Variants in PPEF2 observed in about 807,000 individuals in gnomAD.
PPEF2 encodes serine/threonine-protein phosphatase with EF-hands 2.
Under a neutral mutation model 84.7 loss-of-function variants are expected in PPEF2, and 84 were observed. That is an observed-to-expected ratio of 0.99 (90% CI 0.83 to 1.19). The LOEUF (loss-of-function observed/expected upper bound fraction) is 1.19, where lower values mean the gene tolerates loss of function less well. Ranked by LOEUF, PPEF2 falls within the 50% of genes most tolerant of loss-of-function variation. PPEF2 has a pLI of 0.00. For missense variants in PPEF2, 924 were observed against 937.5 expected (o/e 0.99, Z 0.19); for synonymous variants, 346 against 345.2 (o/e 1.00, Z -0.03).
At chr4:75,872,592 A>T (rs1724308364) in intron 12 of PPEF2, among the ~76,000 whole-genome samples, 1 of 152,186 alleles carries the variant, frequency 6.6e-6, no homozygotes, top group South Asian at 2.1e-4. Context: ...TGGTGTATGA[A>T]AAAAGTTTTC....
intron 2 of PPEF2, among the ~76,000 whole-genome samples, chr4:75,895,957 G>C (rs528846215): frequency 6.6e-6 from 1 of 152,036 alleles, no homozygotes; most frequent in Non-Finnish European, 1.5e-5. Context: ...ACCTTTGGAC[G>C]TGCTCTACCC....
Position 75,864,351 on chromosome 4 carries a change from T to A in PPEF2, c.2008+89A>T, listed in dbSNP as rs947398089. On this transcript the variant is annotated intron_variant, in intron 16 of 16. Coordinates refer to ENST00000286719, the MANE Select transcript of PPEF2 (RefSeq NM_006239.3). ...TGCTCTCCAAATGCCTGAGTGGAGA[T>A]GAATGAGGATGAATCAGGAAGGAGA... The A allele has an allele frequency of 4.1e-5, 41 of 1,002,634 alleles. No homozygotes were observed. In the South Asian group the frequency reaches 5.5e-4, roughly 14 times the overall value. The allele number at this position is 1,002,634 out of a possible 1,614,324, so 62.1% of individuals were successfully genotyped here. A position where few individuals can be genotyped will look rare whatever the true frequency, so the allele number is the denominator to read the frequency against.
intron 1 of PPEF2, among the ~76,000 whole-genome samples, chr4:75,897,328 C>T (rs564725902): frequency 3.3e-5 from 5 of 152,252 alleles, no homozygotes; most frequent in African/African-American, 9.6e-5. Context: ...GTTGATCTCA[C>T]GTGGTATATG....
chr4:75,884,934 A>ATATTTCC, intron 7 of PPEF2, 174 bp from the exon 8 acceptor site: 1 of 560,898 alleles, frequency 1.8e-6, no homozygotes, highest in East Asian at 3.1e-5. Context: ...TATTGGTCTT[A>ATATTTCC]TATTTCCTTT....
chr4:75,869,721 G>A (rs1054468183), intron 13 of PPEF2, among the ~76,000 whole-genome samples: 4 of 152,150 alleles, frequency 2.6e-5, no homozygotes, highest in African/African-American at 4.8e-5. Context: ...GATGGCGCAC[G>A]CCTGTAGTAC....
At chr4:75,891,769 C>A in intron 3 of PPEF2, 64 bp from the exon 4 acceptor site, 2 of 1,595,838 alleles carry the variant, frequency 1.3e-6, no homozygotes, top group Non-Finnish European at 1.7e-6. Context: ...ACAAGTAGTC[C>A]AGTTGGCCTC....
Position 75,882,842 on chromosome 4 carries a change from T to G in PPEF2, c.933+84A>C, listed in dbSNP as rs1232673470. On this transcript the variant is annotated intron_variant, in intron 10 of 16. Coordinates refer to ENST00000286719, the MANE Select transcript of PPEF2 (RefSeq NM_006239.3). ...CTCTTAACAGCCATAATCAGTTGAC[T>G]GCAGTCAGCATGTAAGATGACATTT... 7.7e-6 allele frequency: 11 copies of G among 1,436,938 alleles called. No homozygotes were observed. The Admixed American group carries it at 1.9e-4, about 25-fold the overall frequency. The allele number at this position is 1,436,938 out of a possible 1,614,324, so 89.0% of individuals were successfully genotyped here.
intron 13 of PPEF2, among the ~76,000 whole-genome samples, chr4:75,870,356 A>G (rs1474726513): frequency 6.6e-6 from 1 of 152,154 alleles, no homozygotes; most frequent in East Asian, 1.9e-4. Flanking sequence ...GTAGGTTTAT[A>G]TTTTTACATA....
At position 75,861,400 on chromosome 4, in the gene PPEF2, A is replaced by G. The variant is rs959402556; in HGVS notation, c.2009-480T>C. ...AATTGATTTTTTTACAAGGGTCCCA[A>G]GATCATTTAATGGGGAAAGAATAGT... On this transcript the variant is annotated intron_variant, in intron 16 of 16. Transcript: ENST00000286719. 4.7e-5 allele frequency among the ~76,000 whole-genome samples: 7 copies of G among 149,410 alleles called. No individual in the cohort carries two copies. The Admixed American group carries it at 4.8e-4, about 10-fold the overall frequency.
At chr4:75,870,682 C>A (rs1222393388) in intron 13 of PPEF2, among the ~76,000 whole-genome samples, 2 of 152,116 alleles carry the variant, frequency 1.3e-5, no homozygotes, top group African/African-American at 4.8e-5. Flanking sequence ...CAAGGACTAC[C>A]TTCACTCAAG....
intron 14 of PPEF2, among the ~76,000 whole-genome samples, chr4:75,866,846 T>C (rs1036492882): frequency 6.6e-5 from 10 of 152,218 alleles, no homozygotes; most frequent in African/African-American, 2.4e-4. Context: ...TTACTATGAA[T>C]TCATAAATGT....
At chr4:75,884,952 G>A (rs904020363) in intron 7 of PPEF2, 192 bp from the exon 8 acceptor site, 14 of 513,928 alleles carry the variant, frequency 2.7e-5, no homozygotes, top group Admixed American at 2.3e-4. Flanking sequence ...TTTCCAGAGA[G>A]GCTAAGGTTA....
In PPEF2 at chr4:75,900,555, C is replaced by G. The variant is rs1022049983; in HGVS notation, c.-59+1675G>C. On this transcript the variant is annotated intron_variant, in intron 1 of 16. Transcript: ENST00000286719. ...GGCACATGTGATCCCTGCCTTGGGG[C>G]TCCCTGGTCTCATCTGTTTCTCTGT... is the stretch of plus-strand genomic sequence containing the variant. Among the ~76,000 whole-genome samples the G allele has an allele frequency of 6.6e-5, 10 of 152,148 alleles. No homozygotes were observed. In the South Asian group the frequency reaches 1.0e-3, roughly 16 times the overall value.
intron 2 of PPEF2, among the ~76,000 whole-genome samples, chr4:75,892,400 G>A (rs1724910839): frequency 6.6e-6 from 1 of 152,186 alleles, no homozygotes; most frequent in South Asian, 2.1e-4. Flanking sequence ...CTGGATGTCA[G>A]GACACCTGGG....
chr4:75,877,671 T>C (rs1309258873), intron 10 of PPEF2, among the ~76,000 whole-genome samples: 3 of 130,576 alleles, frequency 2.3e-5, no homozygotes, highest in Non-Finnish European at 5.4e-5. Context: ...ATTTCCTTTC[T>C]CTTTTTTTTT....
At chr4:75,874,993 C>T (rs1724373523) in intron 11 of PPEF2, among the ~76,000 whole-genome samples, 1 of 151,840 alleles carries the variant, frequency 6.6e-6, no homozygotes, top group African/African-American at 2.4e-5. Context: ...GCTCTGCCTC[C>T]TGGGTGCGTG....
At chr4:75,894,386 A>G (rs1036045968) in intron 2 of PPEF2, among the ~76,000 whole-genome samples, 2 of 152,232 alleles carry the variant, frequency 1.3e-5, no homozygotes, top group African/African-American at 4.8e-5. Flanking sequence ...AGAGCCTAAT[A>G]TCGACTTCCA....
chr4:75,890,956 G>A (rs1235576030), intron 4 of PPEF2, among the ~76,000 whole-genome samples: 2 of 152,156 alleles, frequency 1.3e-5, no homozygotes, highest in African/African-American at 4.8e-5. Context: ...GCCGAGGCAG[G>A]TGGATCGCTT....
In PPEF2 at chr4:75,872,075, A is replaced by C. The variant is rs1394916; in HGVS notation, c.1599T>G (p.Ile533Met). The C allele has an allele frequency of 6.2e-7, 1 of 1,613,880 alleles. No individual in the cohort carries two copies. Among genetic ancestry groups the C allele is most frequent in the Non-Finnish European group, 8.5e-7 (1 of 1,179,826 alleles). The change falls in exon 13 of 17, where the codon ATT (isoleucine) becomes ATG (methionine). Residue 533 changes from isoleucine to methionine, a missense_variant. Transcript: ENST00000286719. ...VKLGPALTPH[I>M]VQYQANKVTH... ...TCACCTTGTTAGCTTGATACTGCAC[A>C]ATATGTGGGGTCAGGGCTGGCCCCA... is the stretch of plus-strand genomic sequence containing the variant.
Sources: gnomAD v4.1 joint callset for allele counts (sites outside exome capture counted in the v4.1 genomes callset) on GRCh38, gnomAD v4.1.1 for gene constraint, MANE v1.5 for transcripts, NCBI Gene and HGNC (gene_info 2026-07-23, HGNC 2026-07-21) for gene names.